The following FRY variants were observed in gnomAD, a reference collection of about 807,000 sequenced individuals.
The protein encoded by FRY is protein furry homolog.
FRY carries 128 observed loss-of-function variants against 348.4 expected under a neutral mutation model. That is an observed-to-expected ratio of 0.37 (90% confidence interval 0.32 to 0.43). The LOEUF (loss-of-function observed/expected upper bound fraction) is 0.43, where lower values mean the gene tolerates loss of function less well. FRY is among the 20% of genes least tolerant of loss of function. The probability of loss-of-function intolerance (pLI) is 1.00; values close to 1 mark genes in which losing one functional copy is unlikely to be tolerated. For missense variants in FRY, 2,736 were observed against 3,695.2 expected, an observed-to-expected ratio of 0.74 and a Z score of 6.73; for synonymous variants, 1,370 against 1,374.7, an observed-to-expected ratio of 1.00 and a Z score of 0.08.
At chr13:32,054,849 T>C (rs1259349080) in intron 1 of FRY, among the ~76,000 whole-genome samples, 1 of 152,098 alleles carries the variant, frequency 6.6e-6, no homozygotes, top group African/African-American at 2.4e-5. Context: ...CACTCCAGCC[T>C]GGGCGACGGA....
rs60522324 is a variant in FRY, at chr13:32,156,601, C to CA, written c.1652-652dup. On this transcript the variant is annotated intron_variant, in intron 15 of 60. Coordinates refer to ENST00000542859, the MANE Select transcript of FRY (RefSeq NM_023037.3). ...GGGCAACAACAGTGAAGCTCCATCTCAAAAAAAAAAAAAAAAAAAACAGAT... is the reference window on the plus strand; with the variant it reads ...GGGCAACAACAGTGAAGCTCCATCTCAAAAAAAAAAAAAAAAAAAAACAGAT... Among the ~76,000 whole-genome samples the CA allele has an allele frequency of 3.7e-3, 419 of 112,304 alleles. 2 individuals carry two copies. Among genetic ancestry groups the CA allele is most frequent in the African/African-American group, 9.1e-3 (272 of 29,788 alleles). The allele number at this position is 112,304 out of a possible 152,430, so 73.7% of individuals were successfully genotyped here.
intron 55 of FRY, among the ~76,000 whole-genome samples, chr13:32,270,452 C>T (rs1176076379): frequency 1.3e-5 from 2 of 152,376 alleles, no homozygotes; most frequent in Admixed American, 6.5e-5. Flanking sequence ...GGTGATCCAC[C>T]TGCCTTGGCT....
At chr13:32,224,090 C>A in intron 36 of FRY, 145 bp from the exon 37 acceptor site, 1 of 713,880 alleles carries the variant, frequency 1.4e-6, no homozygotes. Context: ...CCAGCGAGAC[C>A]CTGTCCCTAA....
chr13:32,224,092 T>C, intron 36 of FRY, 143 bp from the exon 37 acceptor site: 1 of 708,134 alleles, frequency 1.4e-6, no homozygotes, highest in South Asian at 1.7e-5. Context: ...AGCGAGACCC[T>C]GTCCCTAAAA....
intron 38 of FRY, 128 bp downstream of exon 38, chr13:32,225,164 T>C: frequency 1.4e-6 from 1 of 710,944 alleles, no homozygotes; most frequent in Non-Finnish European, 2.6e-6. Flanking sequence ...TCCACCATTT[T>C]TCATTGCCCT....
chr13:32,161,258 G>A lies in FRY; in HGVS notation c.1892+7G>A, dbSNP rs776072385. ...TTATTGACTTACTGGCTAGGTAGGT[G>A]AGAATATTATTTGGCCAAAATTAAT... On this transcript the variant is annotated splice_region_variant and intron_variant, in intron 17 of 60. Coordinates refer to ENST00000542859, the MANE Select transcript of FRY (RefSeq NM_023037.3). 3 of 1,544,040 alleles carry A rather than the reference G, an allele frequency of 1.9e-6. No homozygotes were observed. Among genetic ancestry groups the A allele is most frequent in the South Asian group, 2.2e-5 (2 of 89,686 alleles).
At chr13:32,232,099 T>G (rs893032594) in intron 41 of FRY, among the ~76,000 whole-genome samples, 13 of 152,256 alleles carry the variant, frequency 8.5e-5, no homozygotes, top group Admixed American at 3.9e-4. Flanking sequence ...AGACTTCCGT[T>G]TCTAGTTTTG....
At chr13:32,056,923 A>C (rs944317285) in intron 1 of FRY, among the ~76,000 whole-genome samples, 1 of 152,136 alleles carries the variant, frequency 6.6e-6, no homozygotes. Context: ...GGTTTATAAG[A>C]CCAATTATGA....
intron 41 of FRY, among the ~76,000 whole-genome samples, chr13:32,233,107 A>C (rs1382649198): frequency 2.0e-5 from 3 of 152,340 alleles, no homozygotes; most frequent in African/African-American, 7.2e-5. Flanking sequence ...AGCAGCCTAC[A>C]TGGGTTTAAT....
chr13:32,090,343 T>C (rs1593600564), intron 2 of FRY, among the ~76,000 whole-genome samples: 1 of 91,312 alleles, frequency 1.1e-5, no homozygotes, highest in Non-Finnish European at 1.9e-5. Context: ...AGAGCTGGAC[T>C]CCATCTCAAA....
At chr13:32,033,622 T>A (rs1872356637) in intron 1 of FRY, among the ~76,000 whole-genome samples, 1 of 152,370 alleles carries the variant, frequency 6.6e-6, no homozygotes, top group East Asian at 1.9e-4. Context: ...ATATCTGTGA[T>A]ACAATTTTGA....
At chr13:32,133,768 C>CTTTTTTTTTTTTTTTTTTTTTTTTTT (rs34413710) in intron 8 of FRY, among the ~76,000 whole-genome samples, 102 of 89,286 alleles carry the variant, frequency 1.1e-3, no homozygotes, top group Non-Finnish European at 1.4e-3. Context: ...TTCTTTCTTT[C>CTTTTTTTTTTTTTTTTTTTTTTTTTT]TTTTTTTTTT....
chr13:32,236,344 A>C (rs1020622180), intron 43 of FRY, among the ~76,000 whole-genome samples, 172 bp downstream of exon 43: 2 of 6,276 alleles, frequency 3.2e-4, no homozygotes, highest in Admixed American at 4.1e-3. Context: ...CATAATACAC[A>C]CAAACACACA....
At chr13:32,290,134 G>C (rs1340891751) in intron 59 of FRY, among the ~76,000 whole-genome samples, 1 of 152,136 alleles carries the variant, frequency 6.6e-6, no homozygotes, top group African/African-American at 2.4e-5. Context: ...AGGTAAGAAG[G>C]AAATGTCTGT....
At chr13:32,117,761 CCACT>C (rs2138695220) in intron 4 of FRY, among the ~76,000 whole-genome samples, 1 of 152,268 alleles carries the variant, frequency 6.6e-6, no homozygotes, top group South Asian at 2.1e-4. Context: ...CTGCCCTCTC[CCACT>C]GAGTCTACAC....
At chr13:32,049,221 A>T (rs950753657) in intron 1 of FRY, among the ~76,000 whole-genome samples, 11 of 152,116 alleles carry the variant, frequency 7.2e-5, no homozygotes, top group African/African-American at 2.7e-4. Flanking sequence ...GAACATGAAG[A>T]CTGTTACAGA....
chr13:32,175,560 G>A lies in FRY; in HGVS notation c.2349G>A (p.Pro783=), dbSNP rs773034236. 9.3e-6 allele frequency: 15 copies of A among 1,609,832 alleles called. No homozygotes were observed. The highest frequency in any genetic ancestry group is 1.6e-4 in the Middle Eastern group (1 of 6,080). The change falls in exon 20 of 61, where the codon CCG becomes CCA. Residue 783 remains proline, a synonymous_variant. Transcript: ENST00000542859. ...ALGQPEDDDR[P]MIDVMDQLSS... is the part of the protein sequence containing the mutation. ...CCTTTGTACAGGATGACGACAGGCC[G>A]ATGATTGATGTCATGGATCAGCTAA...
At chr13:32,127,553 G>T (rs545711818) in intron 7 of FRY, among the ~76,000 whole-genome samples, 1 of 152,104 alleles carries the variant, frequency 6.6e-6, no homozygotes, top group Admixed American at 6.5e-5. Flanking sequence ...CAAGGTGGGC[G>T]GATCACAAGG....
In FRY at chr13:32,140,413, A is replaced by G. The variant is rs143931432; in HGVS notation, c.1179+3441A>G. 6.9e-4 allele frequency among the ~76,000 whole-genome samples: 105 copies of G among 152,332 alleles called. No homozygotes were observed. In the Middle Eastern group the frequency reaches 0.017, roughly 25 times the overall value. On this transcript the variant is annotated intron_variant, in intron 11 of 60. Transcript: ENST00000542859. ...GAATACTCCTTTTTTCTCAGGGAGT[A>G]CTTATGCTAGGACTTAAATCCATTC... is the stretch of plus-strand genomic sequence containing the variant.
Sources: allele counts gnomAD v4.1 joint callset (sites outside exome capture counted in the v4.1 genomes callset), GRCh38; gene constraint gnomAD v4.1.1; transcripts MANE v1.5; gene names NCBI Gene and HGNC (gene_info 2026-07-23, HGNC 2026-07-21).